The following RNGTT variants were observed in gnomAD, a reference collection of about 807,000 sequenced individuals.
RNGTT encodes mRNA-capping enzyme.
In RNGTT, 33 loss-of-function variants were observed where a neutral mutation model predicts 79.3. The ratio of observed to expected loss-of-function variants is 0.42; its 90% CI spans 0.32 to 0.56. The LOEUF is 0.56. RNGTT is among the 20% of genes least tolerant of loss of function. The pLI is 0.17. For missense variants in RNGTT, 497 were observed against 739.1 expected (o/e 0.67, Z 3.80); for synonymous variants, 222 against 235.9 (o/e 0.94, Z 0.54).
At chr6:88,740,692 A>T (rs901258078) in intron 13 of RNGTT, among the ~76,000 whole-genome samples, 1 of 152,132 alleles carries the variant, frequency 6.6e-6, no homozygotes, top group Non-Finnish European at 1.5e-5. Flanking sequence ...GTTCTCACTC[A>T]TAAGTGGAAG....
At chr6:88,758,371 C>T (rs117249929) in intron 13 of RNGTT, among the ~76,000 whole-genome samples, 34 of 152,244 alleles carry the variant, frequency 2.2e-4, no homozygotes, top group Non-Finnish European at 3.8e-4. Flanking sequence ...AATGAACTAA[C>T]GCTCAACCAA....
At chr6:88,785,528 C>T (rs766035460) in intron 12 of RNGTT, among the ~76,000 whole-genome samples, 60 of 151,980 alleles carry the variant, frequency 3.9e-4, no homozygotes, top group Non-Finnish European at 6.0e-4. Flanking sequence ...TCTTTCTTGG[C>T]ACTTTGCTAT....
intron 11 of RNGTT, among the ~76,000 whole-genome samples, chr6:88,831,936 G>A (rs1184471394): frequency 5.3e-5 from 8 of 152,120 alleles, no homozygotes; most frequent in Non-Finnish European, 4.4e-5. Context: ...AAGGAAATAA[G>A]AGAGGACACA....
chr6:88,695,067 G>A (rs1562199550), intron 13 of RNGTT, among the ~76,000 whole-genome samples: 1 of 151,556 alleles, frequency 6.6e-6, no homozygotes, highest in Non-Finnish European at 1.5e-5. Flanking sequence ...AAAACTACTG[G>A]AAAAAAAATA....
chr6:88,793,789 C>T (rs1025875365), intron 12 of RNGTT, among the ~76,000 whole-genome samples: 7 of 152,138 alleles, frequency 4.6e-5, no homozygotes, highest in African/African-American at 1.4e-4. Flanking sequence ...GAGAAAGACT[C>T]TGTCTCCCCC....
chr6:88,757,677 T>C (rs1254806513), intron 13 of RNGTT, among the ~76,000 whole-genome samples: 1 of 152,116 alleles, frequency 6.6e-6, no homozygotes, highest in East Asian at 1.9e-4. Context: ...TTTCAAAAGA[T>C]TTTACAGACT....
At chr6:88,673,787 T>C (rs1653942585) in intron 14 of RNGTT, among the ~76,000 whole-genome samples, 1 of 152,222 alleles carries the variant, frequency 6.6e-6, no homozygotes, top group Non-Finnish European at 1.5e-5. Flanking sequence ...TCTGAGACTG[T>C]GCTTTTGAGA....
intron 12 of RNGTT, among the ~76,000 whole-genome samples, chr6:88,782,647 T>C (rs1489403175): frequency 6.6e-6 from 1 of 152,084 alleles, no homozygotes; most frequent in Non-Finnish European, 1.5e-5. Context: ...CTTCAAACTA[T>C]ACATCCACAG....
chr6:88,805,753 G>A (rs1381157123), intron 11 of RNGTT, among the ~76,000 whole-genome samples: 1 of 152,146 alleles, frequency 6.6e-6, no homozygotes, highest in Non-Finnish European at 1.5e-5. Context: ...CTGGCACTGA[G>A]CGGCAAGAAA....
At chr6:88,651,287 C>A (rs181913545) in intron 14 of RNGTT, among the ~76,000 whole-genome samples, 88 of 152,094 alleles carry the variant, frequency 5.8e-4, no homozygotes, top group Middle Eastern at 3.4e-3. Flanking sequence ...GACAATAATG[C>A]AATAGAAACA....
intron 11 of RNGTT, among the ~76,000 whole-genome samples, chr6:88,838,917 T>A (rs1329018058): frequency 2.6e-5 from 4 of 151,954 alleles, no homozygotes; most frequent in African/African-American, 9.7e-5. Context: ...GCCAAATAGA[T>A]CAAGAGAACT....
chr6:88,811,625 A>T (rs1472564984), intron 11 of RNGTT, among the ~76,000 whole-genome samples: 1 of 152,230 alleles, frequency 6.6e-6, no homozygotes, highest in Non-Finnish European at 1.5e-5. Context: ...AATAATAAGC[A>T]AAATGACAGC....
intron 14 of RNGTT, among the ~76,000 whole-genome samples, chr6:88,648,496 A>ATT: frequency 8.5e-6 from 1 of 117,364 alleles, no homozygotes; most frequent in African/African-American, 3.2e-5. Context: ...AATAATAATA[A>ATT]AAAATTCTAA....
chr6:88,735,418 C>T (rs1166737407), intron 13 of RNGTT, among the ~76,000 whole-genome samples: 1 of 151,852 alleles, frequency 6.6e-6, no homozygotes, highest in African/African-American at 2.4e-5. Context: ...AAAAGACAGA[C>T]ACATTCTGGG....
chr6:88,856,559 G>A (rs905979116), intron 8 of RNGTT, among the ~76,000 whole-genome samples: 3 of 151,994 alleles, frequency 2.0e-5, no homozygotes, highest in Admixed American at 1.3e-4. Flanking sequence ...TTTAGAGGAC[G>A]GGATTTACAA....
intron 2 of RNGTT, among the ~76,000 whole-genome samples, chr6:88,940,395 G>C (rs1784809732): frequency 6.6e-6 from 1 of 152,162 alleles, no homozygotes; most frequent in South Asian, 2.1e-4. Context: ...CCAATTTTTG[G>C]AATTAGCTTT....
intron 14 of RNGTT, among the ~76,000 whole-genome samples, chr6:88,668,003 G>A (rs1380438786): frequency 6.6e-6 from 1 of 152,098 alleles, no homozygotes; most frequent in Non-Finnish European, 1.5e-5. Flanking sequence ...AGGACTTCCA[G>A]GCACTCCTCA....
chr6:88,811,657 AACTC>A (rs1456271058), intron 11 of RNGTT, among the ~76,000 whole-genome samples: 1 of 152,214 alleles, frequency 6.6e-6, no homozygotes, highest in Non-Finnish European at 1.5e-5. Context: ...GTGAAGAAGA[AACTC>A]AATCTCCAAT....
intron 11 of RNGTT, among the ~76,000 whole-genome samples, chr6:88,826,608 A>AC (rs1301152449): frequency 6.6e-6 from 1 of 151,354 alleles, no homozygotes; most frequent in Non-Finnish European, 1.5e-5. Flanking sequence ...ACATGGAGAA[A>AC]CCCCATCTCT....
Sources: gnomAD v4.1 joint callset for allele counts (sites outside exome capture counted in the v4.1 genomes callset) on GRCh38, gnomAD v4.1.1 for gene constraint, MANE v1.5 for transcripts, NCBI Gene and HGNC (gene_info 2026-07-23, HGNC 2026-07-21) for gene names.